Variants in SMARCA4 observed in about 807,000 individuals in gnomAD.
SMARCA4 encodes the protein SWI/SNF related BAF chromatin remodeling complex subunit ATPase 4, also known as SWI/SNF-related matrix-associated actin-dependent regulator of chromatin subfamily A member 4.
In SMARCA4, 31 loss-of-function variants were observed where a neutral mutation model predicts 193.9. That is an observed-to-expected ratio of 0.16 (90% CI 0.12 to 0.22). The LOEUF (loss-of-function observed/expected upper bound fraction) is 0.22, where lower values mean the gene tolerates loss of function less well. Among genes scored for constraint, SMARCA4 ranks in the 10% least tolerant of loss-of-function variants. The pLI is 1.00. For missense variants in SMARCA4, 1,148 were observed against 2,296.0 expected (o/e 0.50, Z 10.22); for synonymous variants, 942 against 933.1 (o/e 1.01, Z -0.17).
chr19:11,055,491 C>T (rs2076492909), intron 30 of SMARCA4, among the ~76,000 whole-genome samples: 1 of 151,814 alleles, frequency 6.6e-6, no homozygotes, highest in Non-Finnish European at 1.5e-5. Flanking sequence ...CCCAGCCGCA[C>T]CTTGTTTTTT....
intron 30 of SMARCA4, chr19:11,056,068 G>A (rs1414592507): frequency 2.6e-5 from 4 of 152,310 alleles, no homozygotes; most frequent in African/African-American, 9.7e-5. Flanking sequence ...ATCATGAAGA[G>A]AGAGGAGAGC....
At chr19:10,994,782 A>G (rs750605363) in intron 8 of SMARCA4, 46 bp from the exon 9 acceptor site, 1 of 1,559,620 alleles carries the variant, frequency 6.4e-7, no homozygotes, top group East Asian at 2.2e-5. Flanking sequence ...AGATGTGTCC[A>G]CCATGCTGCT....
chr19:10,973,319 C>T (rs1380555379), intron 1 of SMARCA4, among the ~76,000 whole-genome samples: 1 of 152,116 alleles, frequency 6.6e-6, no homozygotes, highest in Admixed American at 6.6e-5. Flanking sequence ...CACCACACGT[C>T]CCTGTGGGGT....
At chr19:11,024,526 C>G (rs1445289247) in intron 21 of SMARCA4, 88 bp downstream of exon 21, 1 of 837,220 alleles carries the variant, frequency 1.2e-6, no homozygotes, top group East Asian at 2.5e-5. Context: ...CTCTGACCAT[C>G]GGGTCATGAT....
intron 9 of SMARCA4, 131 bp downstream of exon 9, chr19:10,995,132 A>G: frequency 1.2e-6 from 1 of 847,072 alleles, no homozygotes; most frequent in Non-Finnish European, 2.0e-6. Context: ...GAGGGAAAAG[A>G]GCAGGCGCGG....
chr19:10,968,556 T>C lies in SMARCA4; in HGVS notation c.-32+7382T>C, dbSNP rs113736841. ...AGAGACGGAGACTCGCTGTGTTACT[T>C]AGGCTGGTCTTTAACTCCTGGACTC... On this transcript the variant is annotated intron_variant, in intron 1 of 34. Coordinates refer to ENST00000344626, the MANE Select transcript of SMARCA4 (RefSeq NM_003072.5). Among the ~76,000 whole-genome samples the C allele has an allele frequency of 1.8e-3, 273 of 152,128 alleles. 1 individual carries two copies. The highest frequency in any genetic ancestry group is 6.8e-3 in the Middle Eastern group (2 of 294).
At chr19:10,979,706 T>C (rs186290740) in intron 1 of SMARCA4, among the ~76,000 whole-genome samples, 6 of 150,008 alleles carry the variant, frequency 4.0e-5, no homozygotes, top group Non-Finnish European at 8.9e-5. Context: ...ATGTTATAAG[T>C]ATATATTGTA....
At chr19:11,024,247 G>T in intron 20 of SMARCA4, 84 bp from the exon 21 acceptor site, 1 of 907,312 alleles carries the variant, frequency 1.1e-6, no homozygotes, top group South Asian at 1.3e-5. Flanking sequence ...TGACAGGGCC[G>T]AGGGGGTCAG....
At chr19:10,976,708 G>T (rs2085154130) in intron 1 of SMARCA4, among the ~76,000 whole-genome samples, 1 of 151,226 alleles carries the variant, frequency 6.6e-6, no homozygotes, top group Admixed American at 6.6e-5. Context: ...GAGCTGTGAT[G>T]GCGCCACTGC....
intron 23 of SMARCA4, among the ~76,000 whole-genome samples, chr19:11,027,004 C>G (rs570969836): frequency 6.9e-4 from 105 of 152,224 alleles, no homozygotes; most frequent in South Asian, 1.2e-3. Context: ...TCTATAGCAC[C>G]CTTTGTAAGG....
intron 14 of SMARCA4, among the ~76,000 whole-genome samples, chr19:11,010,013 A>C (rs1398081394): frequency 1.3e-5 from 2 of 151,748 alleles, no homozygotes; most frequent in East Asian, 1.9e-4. Flanking sequence ...TGTAGTAGAG[A>C]TGGGGTTTCA....
At position 11,041,171 on chromosome 19, in the gene SMARCA4, G is replaced by C. The variant is rs1321970790; in HGVS notation, c.4171-136G>C. ...AGAGTCCCAGTGTGTGTTATGCCCC[G>C]AGCCAGTCAAGCTGAAGGGAGAGCG... On this transcript the variant is annotated intron_variant, in intron 29 of 34. Transcript: ENST00000344626. The surrounding 1 kb of genome is among the most constrained non-coding windows in gnomAD (Gnocchi z 5.6). 2 of 917,284 alleles carry C rather than the reference G, an allele frequency of 2.2e-6. No homozygotes were observed. The highest frequency in any genetic ancestry group is 1.7e-5 in the African/African-American group (1 of 60,538). The allele number at this position is 917,284 out of a possible 1,614,324, so 56.8% of individuals were successfully genotyped here.
At chr19:11,008,319 C>A (rs146697848) in intron 14 of SMARCA4, 93 of 383,768 alleles carry the variant, frequency 2.4e-4, no homozygotes, top group African/African-American at 1.9e-3. Flanking sequence ...CCACTACCCT[C>A]CCTGGGGAAA....
intron 18 of SMARCA4, chr19:11,021,260 G>A (rs148951786): frequency 9.6e-5 from 32 of 332,612 alleles, no homozygotes; most frequent in South Asian, 2.4e-4. Flanking sequence ...ATGTAGTGGC[G>A]CTGGCCCCTA....
intron 7 of SMARCA4, among the ~76,000 whole-genome samples, chr19:10,989,989 C>T (rs541543748): frequency 2.6e-5 from 4 of 151,984 alleles, no homozygotes; most frequent in South Asian, 4.2e-4. Context: ...TGAGCCACCA[C>T]GTGCTGTCCT....
chr19:11,033,511 G>A lies in SMARCA4; in HGVS notation c.3768G>A (p.Gln1256=), dbSNP rs1183611103. The A allele has an allele frequency of 1.9e-6, 3 of 1,612,528 alleles. No individual in the cohort carries two copies. In the South Asian group the frequency reaches 3.3e-5, roughly 18 times the overall value. Residue 1256 remains glutamine (Q), a synonymous_variant, in exon 26 of 35, where the codon CAG becomes CAA. Coordinates refer to ENST00000344626, the MANE Select transcript of SMARCA4 (RefSeq NM_003072.5). The surrounding 1 kb of genome is among the most constrained non-coding windows in gnomAD (Gnocchi z 9.8). ...AGGCCATCCTGGAGCACGAGGAGCA[G>A]GATGAGGTGAGCCCAGCACCGGCCC... ...FLQAILEHEE[Q]DESRHCSTGS...
rs181474640 is a variant in SMARCA4 at position 11,025,626 on chromosome 19, C to G, written c.3168+118C>G. On this transcript the variant is annotated intron_variant, in intron 22 of 34. Coordinates refer to ENST00000344626, the MANE Select transcript of SMARCA4 (RefSeq NM_003072.5). ...ACTCGAATATTTTCATTAGGTAATG[C>G]CTGTACATCTGTCTCTCATTTGGTC... The G allele has an allele frequency of 1.9e-3, 1,416 of 759,988 alleles. 5 individuals carry two copies. Among genetic ancestry groups the G allele is most frequent in the Non-Finnish European group, 2.5e-3 (1,082 of 428,902 alleles). The allele number at this position is 759,988 out of a possible 1,614,324, so 47.1% of individuals were successfully genotyped here.
At chr19:10,995,938 A>G (rs2086997599) in intron 9 of SMARCA4, 2 of 512,124 alleles carry the variant, frequency 3.9e-6, no homozygotes, top group Admixed American at 2.8e-5. Flanking sequence ...TTTGGGGTGT[A>G]TTTCGTGGAC....
intron 16 of SMARCA4, among the ~76,000 whole-genome samples, chr19:11,017,358 T>G (rs1321787624): frequency 6.6e-6 from 1 of 152,248 alleles, no homozygotes; most frequent in Non-Finnish European, 1.5e-5. Flanking sequence ...AGAGGTCACC[T>G]TCTTCCCCTA....
Sources: allele counts gnomAD v4.1 joint callset (sites outside exome capture counted in the v4.1 genomes callset), GRCh38; gene constraint gnomAD v4.1.1; non-coding constraint Gnocchi (gnomAD v3.1); transcripts MANE v1.5; gene names NCBI Gene and HGNC (gene_info 2026-07-23, HGNC 2026-07-21).